UBR3: variants seen among roughly 807,000 people sequenced by gnomAD.
UBR3 encodes ubiquitin protein ligase E3 component n-recognin 3, also known as E3 ubiquitin-protein ligase UBR3.
In UBR3, 85 loss-of-function variants were observed where a neutral mutation model predicts 243.2. The ratio of observed to expected loss-of-function variants is 0.35; its 90% CI spans 0.29 to 0.42. The LOEUF is 0.42. UBR3 is among the 10% of genes least tolerant of loss of function. The pLI, the probability that UBR3 is intolerant of heterozygous loss-of-function variation, is 1.00. For synonymous variants in UBR3, 748 were observed against 799.8 expected (o/e 0.94, Z 1.09); for missense variants, 1,686 against 2,300.8 (o/e 0.73, Z 5.47).
intron 25 of UBR3, among the ~76,000 whole-genome samples, chr2:169,993,685 TG>T (rs1464630891): frequency 6.6e-6 from 1 of 152,216 alleles, no homozygotes; most frequent in East Asian, 1.9e-4. Context: ...TTTGATCCCT[TG>T]GGTAAGGTAG....
intron 24 of UBR3, among the ~76,000 whole-genome samples, chr2:169,968,105 T>G (rs1472942827): frequency 1.3e-5 from 2 of 152,130 alleles, no homozygotes; most frequent in Non-Finnish European, 2.9e-5. Context: ...AACTACATAT[T>G]TATGAGGCAC....
intron 30 of UBR3, among the ~76,000 whole-genome samples, chr2:170,017,993 C>A (rs998527743): frequency 3.3e-5 from 5 of 152,128 alleles, no homozygotes; most frequent in African/African-American, 1.2e-4. Context: ...AGTCACACAG[C>A]TGGAAAATGT....
chr2:170,077,939 A>G (rs1022625970), intron 36 of UBR3: 40 of 544,000 alleles, frequency 7.4e-5, no homozygotes, highest in Admixed American at 1.3e-4. Context: ...TTACATTTAG[A>G]CAGAGGGACT....
At chr2:170,021,231 G>A (rs2090383075) in intron 30 of UBR3, among the ~76,000 whole-genome samples, 1 of 152,100 alleles carries the variant, frequency 6.6e-6, no homozygotes, top group African/African-American at 2.4e-5. Flanking sequence ...AAATTGGGGG[G>A]TGTGTGGATA....
At chr2:169,981,400 C>T (rs2088723531) in intron 24 of UBR3, among the ~76,000 whole-genome samples, 1 of 152,004 alleles carries the variant, frequency 6.6e-6, no homozygotes, top group African/African-American at 2.4e-5. Flanking sequence ...CTGTGATCTT[C>T]CTCTCTAAAA....
intron 1 of UBR3, among the ~76,000 whole-genome samples, chr2:169,856,193 C>T (rs986012021): frequency 2.3e-4 from 34 of 150,550 alleles, no homozygotes; most frequent in African/African-American, 7.4e-4. Context: ...AGTTCCCAGA[C>T]GGGGTCGCGG....
chr2:169,933,352 A>T (rs1446304050), intron 19 of UBR3, among the ~76,000 whole-genome samples: 2 of 152,242 alleles, frequency 1.3e-5, no homozygotes, highest in Non-Finnish European at 2.9e-5. Flanking sequence ...ATTCTCTGAC[A>T]TCAGAGATGG....
intron 5 of UBR3, among the ~76,000 whole-genome samples, chr2:169,888,513 A>G (rs1200744546): frequency 6.6e-6 from 1 of 152,164 alleles, no homozygotes; most frequent in African/African-American, 2.4e-5. Context: ...TTCATGCTGT[A>G]TATACTCGTG....
chr2:169,921,627 A>G (rs764877900), intron 11 of UBR3, among the ~76,000 whole-genome samples: 10 of 152,290 alleles, frequency 6.6e-5, no homozygotes, highest in Non-Finnish European at 1.0e-4. Context: ...TTCCTACTTT[A>G]AGGATCAGAC....
At chr2:169,947,816 G>T in intron 22 of UBR3, 101 bp downstream of exon 22, 1 of 1,249,172 alleles carries the variant, frequency 8.0e-7, no homozygotes, top group South Asian at 3.5e-5. Context: ...AAAAAAATGT[G>T]GTTGTAGATA....
chr2:169,839,203 T>A (rs1008508004), intron 1 of UBR3, among the ~76,000 whole-genome samples: 1 of 152,202 alleles, frequency 6.6e-6, no homozygotes, highest in Non-Finnish European at 1.5e-5. Context: ...AATAATGAAA[T>A]CTTGTCATTT....
At chr2:170,055,439 A>G (rs1245265715) in intron 32 of UBR3, 21 bp from the exon 33 acceptor site, 2 of 1,606,162 alleles carry the variant, frequency 1.2e-6, no homozygotes, top group African/African-American at 2.7e-5. Flanking sequence ...CAAAGAAATA[A>G]TGATTTTTTT....
At chr2:169,898,013 G>T (rs2084657185) in intron 8 of UBR3, among the ~76,000 whole-genome samples, 1 of 152,108 alleles carries the variant, frequency 6.6e-6, no homozygotes, top group Middle Eastern at 3.2e-3. Context: ...GGATTTCCTG[G>T]CTCCTAATGT....
chr2:170,033,572 T>C (rs1229561343), intron 31 of UBR3, among the ~76,000 whole-genome samples: 16 of 46,252 alleles, frequency 3.5e-4, no homozygotes, highest in Non-Finnish European at 5.7e-4. Flanking sequence ...GATTGGTTTT[T>C]CCACACCCAC....
At chr2:169,916,078 T>C (rs1420588414) in intron 11 of UBR3, among the ~76,000 whole-genome samples, 1 of 152,156 alleles carries the variant, frequency 6.6e-6, no homozygotes, top group Non-Finnish European at 1.5e-5. Context: ...TAGAAAAATC[T>C]AGGTGCTGCT....
chr2:170,037,389 C>G (rs2090860254), intron 31 of UBR3, among the ~76,000 whole-genome samples: 1 of 151,984 alleles, frequency 6.6e-6, no homozygotes, highest in Admixed American at 6.6e-5. Flanking sequence ...CTTCCCCTCA[C>G]TTATAATTTT....
intron 19 of UBR3, among the ~76,000 whole-genome samples, chr2:169,939,052 T>C (rs1320497199): frequency 2.0e-5 from 3 of 152,148 alleles, no homozygotes; most frequent in Non-Finnish European, 4.4e-5. Context: ...ATCTTTATTT[T>C]ACGTTTATAT....
At chr2:169,857,979 A>G (rs1016650252) in intron 1 of UBR3, among the ~76,000 whole-genome samples, 1 of 152,176 alleles carries the variant, frequency 6.6e-6, no homozygotes, top group African/African-American at 2.4e-5. Context: ...TGTAGGCTGT[A>G]GTGTTATTGT....
intron 1 of UBR3, among the ~76,000 whole-genome samples, chr2:169,830,580 T>A (rs2081900703): frequency 6.6e-6 from 1 of 152,098 alleles, no homozygotes; most frequent in South Asian, 2.1e-4. Context: ...GCCAGACTAA[T>A]CAACCATTTC....
Sources: allele counts gnomAD v4.1 joint callset (sites outside exome capture counted in the v4.1 genomes callset), GRCh38; gene constraint gnomAD v4.1.1; transcripts MANE v1.5; gene names NCBI Gene and HGNC (gene_info 2026-07-23, HGNC 2026-07-21).